The following RHOBTB3 variants were observed in gnomAD, a reference collection of about 807,000 sequenced individuals.
The protein encoded by RHOBTB3 is rho-related BTB domain-containing protein 3.
In RHOBTB3, 47 loss-of-function variants were observed where a neutral mutation model predicts 67.2. The ratio of observed to expected loss-of-function variants is 0.70; its 90% CI spans 0.55 to 0.89. The LOEUF (loss-of-function observed/expected upper bound fraction) is 0.89. Among genes scored for constraint, RHOBTB3 ranks in the 40% least tolerant of loss-of-function variants. The probability of loss-of-function intolerance (pLI) is 0.00; values close to 1 mark genes in which losing one functional copy is unlikely to be tolerated. For synonymous variants in RHOBTB3, 273 were observed against 274.2 expected (o/e 1.00, Z 0.04); for missense variants, 631 against 750.0 (o/e 0.84, Z 1.85).
chr5:95,744,213 C>T (rs1755683875), intron 3 of RHOBTB3, among the ~76,000 whole-genome samples: 1 of 152,090 alleles, frequency 6.6e-6, no homozygotes, highest in Non-Finnish European at 1.5e-5. Context: ...ACATCCAGTC[C>T]CCTGTACATG....
At chr5:95,775,408 A>G (rs536470829) in intron 8 of RHOBTB3, among the ~76,000 whole-genome samples, 46 of 142,608 alleles carry the variant, frequency 3.2e-4, no homozygotes, top group East Asian at 1.2e-3. Flanking sequence ...ATATATGTGT[A>G]TATATATATA....
At chr5:95,792,552 G>A (rs900439995) in intron 11 of RHOBTB3, among the ~76,000 whole-genome samples, 6 of 151,970 alleles carry the variant, frequency 3.9e-5, no homozygotes, top group Admixed American at 3.9e-4. Flanking sequence ...TAGCACTTTG[G>A]GAGTCCAAGG....
At chr5:95,791,455 A>G (rs2112843292) in intron 11 of RHOBTB3, among the ~76,000 whole-genome samples, 1 of 152,300 alleles carries the variant, frequency 6.6e-6, no homozygotes, top group Non-Finnish European at 1.5e-5. Context: ...GCCAGAGCTC[A>G]TCTCTAATAA....
At chr5:95,779,047 CTCTTT>C (rs1258256466) in intron 8 of RHOBTB3, among the ~76,000 whole-genome samples, 2 of 152,238 alleles carry the variant, frequency 1.3e-5, no homozygotes, top group African/African-American at 4.8e-5. Context: ...TTAGATGTAA[CTCTTT>C]TCTTCTTTCC....
chr5:95,761,289 A>G (rs1057086939), intron 6 of RHOBTB3, among the ~76,000 whole-genome samples: 2 of 150,912 alleles, frequency 1.3e-5, no homozygotes, highest in African/African-American at 4.9e-5. Context: ...TTTCCTGCAT[A>G]CCACTAACAC....
chr5:95,760,995 C>T (rs766334933), intron 6 of RHOBTB3, among the ~76,000 whole-genome samples: 1 of 152,188 alleles, frequency 6.6e-6, no homozygotes. Flanking sequence ...GTCTTACTTT[C>T]ATTTTCAGTG....
chr5:95,792,398 A>G (rs1239694218), intron 11 of RHOBTB3, among the ~76,000 whole-genome samples: 1 of 129,692 alleles, frequency 7.7e-6, no homozygotes, highest in Non-Finnish European at 1.6e-5. Flanking sequence ...GAAAAAAAAA[A>G]AAAAGAAAAG....
At chr5:95,731,142 G>C (rs1280608660), upstream of RHOBTB3, 1 of 1,015,324 alleles carries the variant, frequency 9.8e-7, no homozygotes, top group Non-Finnish European at 1.2e-6. Context: ...ATTCCGCGGC[G>C]CCCCGCGCGG....
chr5:95,732,201 A>T (rs1359919972), intron 2 of RHOBTB3, 117 bp downstream of exon 2: 1 of 859,644 alleles, frequency 1.2e-6, no homozygotes, highest in Non-Finnish European at 1.9e-6. Flanking sequence ...CATGGGTCAA[A>T]TTTTTAAACA....
intron 1 of RHOBTB3, among the ~76,000 whole-genome samples, chr5:95,718,858 G>A (rs1754771039): frequency 6.6e-6 from 1 of 152,170 alleles, no homozygotes; most frequent in South Asian, 2.1e-4. Context: ...GGAGGATCAA[G>A]AGTTAGGAGG....
At chr5:95,737,627 GT>G (rs767456471) in intron 3 of RHOBTB3, among the ~76,000 whole-genome samples, 1 of 152,240 alleles carries the variant, frequency 6.6e-6, no homozygotes, top group Non-Finnish European at 1.5e-5. Flanking sequence ...TCAGGATTCA[GT>G]TTGATTTGGT....
At chr5:95,752,158 A>G (rs1252643169) in intron 4 of RHOBTB3, 81 bp from the exon 5 acceptor site, 4 of 805,534 alleles carry the variant, frequency 5.0e-6, no homozygotes, top group Non-Finnish European at 6.2e-6. Context: ...AATGTTTGAC[A>G]ATTGTGACTT....
chr5:95,732,992 G>A (rs1489795690), intron 2 of RHOBTB3, among the ~76,000 whole-genome samples: 1 of 152,008 alleles, frequency 6.6e-6, no homozygotes, highest in Non-Finnish European at 1.5e-5. Flanking sequence ...ACAAATTATC[G>A]TTGTGTAAGA....
At chr5:95,759,461 C>T (rs1580411766) in intron 6 of RHOBTB3, among the ~76,000 whole-genome samples, 1 of 152,158 alleles carries the variant, frequency 6.6e-6, no homozygotes, top group Non-Finnish European at 1.5e-5. Context: ...ACAGAAAAGA[C>T]AATTTTGAAA....
upstream of RHOBTB3, among the ~76,000 whole-genome samples, chr5:95,727,004 G>A (rs1755073993): frequency 6.6e-6 from 1 of 151,512 alleles, no homozygotes; most frequent in Non-Finnish European, 1.5e-5. Flanking sequence ...GTGATTAGAA[G>A]TTTATTCTGG....
At position 95,733,370 on chromosome 5, in the gene RHOBTB3, G is replaced by A. The variant is rs147170191; in HGVS notation, c.228+1286G>A. ...AGATCTTACAGCCTAAAAACATGACGGTTCAACATGCAGTTGAATAAATGT... is the reference window on the plus strand; with the variant it reads ...AGATCTTACAGCCTAAAAACATGACAGTTCAACATGCAGTTGAATAAATGT... On this transcript the variant is annotated intron_variant, in intron 2 of 11. Transcript: ENST00000379982. Among the ~76,000 whole-genome samples, 738 of 152,202 alleles carry A rather than the reference G, an allele frequency of 4.8e-3. 2 individuals are homozygous for A. Among genetic ancestry groups the A allele is most frequent in the African/African-American group, 0.017 (713 of 41,518 alleles).
intron 10 of RHOBTB3, among the ~76,000 whole-genome samples, chr5:95,788,546 T>C (rs982420183): frequency 6.6e-6 from 1 of 152,238 alleles, no homozygotes; most frequent in Admixed American, 6.5e-5. Context: ...TATTCGCTGT[T>C]GGCCTGGCTT....
chr5:95,783,382 C>A (rs10065277), intron 9 of RHOBTB3, among the ~76,000 whole-genome samples: 31,178 of 151,008 alleles, frequency 0.21, 3,272 homozygotes, highest in South Asian at 0.27. Context: ...TCGGCCTCCC[C>A]AAGTGCTGGG....
At chr5:95,745,916 A>G (rs1437089112) in intron 3 of RHOBTB3, among the ~76,000 whole-genome samples, 1 of 152,132 alleles carries the variant, frequency 6.6e-6, no homozygotes, top group Non-Finnish European at 1.5e-5. Context: ...ATTGAAGAAT[A>G]TAGGAATGGT....
Sources: gnomAD v4.1 joint callset for allele counts (sites outside exome capture counted in the v4.1 genomes callset) on GRCh38, gnomAD v4.1.1 for gene constraint, MANE v1.5 for transcripts, NCBI Gene and HGNC (gene_info 2026-07-23, HGNC 2026-07-21) for gene names.